GRB10: variants seen among roughly 807,000 people sequenced by gnomAD.
GRB10 encodes growth factor receptor-bound protein 10.
A neutral mutation model predicts 80.9 loss-of-function variants in GRB10; 20 were observed. That is an observed-to-expected ratio of 0.25 (90% CI 0.17 to 0.36). The LOEUF is 0.36. Ranked by LOEUF, GRB10 falls within the 10% of genes least tolerant of loss-of-function variation. GRB10 has a pLI of 1.00. For synonymous variants in GRB10, 291 were observed against 291.5 expected, an observed-to-expected ratio of 1.00 and a Z score of 0.02; for missense variants, 548 against 747.7, an observed-to-expected ratio of 0.73 and a Z score of 3.12.
chr7:50,715,036 G>A (rs2066626973), intron 4 of GRB10, among the ~76,000 whole-genome samples: 2 of 140,604 alleles, frequency 1.4e-5, no homozygotes, highest in African/African-American at 6.6e-5. Flanking sequence ...AGGCCCCAGG[G>A]TTTGATATGA....
intron 17 of GRB10, among the ~76,000 whole-genome samples, chr7:50,599,562 C>T (rs181161674): frequency 2.1e-3 from 327 of 152,306 alleles, no homozygotes; most frequent in Middle Eastern, 3.4e-3. Flanking sequence ...GCTCCAGCAG[C>T]CTAAGGCGGG....
chr7:50,633,557 C>A (rs1186311355), intron 7 of GRB10, among the ~76,000 whole-genome samples: 2 of 152,008 alleles, frequency 1.3e-5, no homozygotes, highest in African/African-American at 4.8e-5. Context: ...CTCCTAACCA[C>A]AATGAAAACT....
chr7:50,713,979 TCC>T (rs2066414388), intron 4 of GRB10, among the ~76,000 whole-genome samples: 1 of 150,588 alleles, frequency 6.6e-6, no homozygotes, highest in South Asian at 2.1e-4. Flanking sequence ...CTCCAACACC[TCC>T]ATTGCTACCA....
At chr7:50,677,337 T>C (rs1586762821) in intron 5 of GRB10, among the ~76,000 whole-genome samples, 1 of 151,728 alleles carries the variant, frequency 6.6e-6, no homozygotes, top group Admixed American at 6.6e-5. Context: ...TGAGGTGGGG[T>C]GGGGAAGAGT....
At chr7:50,622,549 G>A (rs181801722) in intron 8 of GRB10, among the ~76,000 whole-genome samples, 104 of 152,238 alleles carry the variant, frequency 6.8e-4, no homozygotes, top group Non-Finnish European at 1.3e-3. Context: ...AAGATCTGGC[G>A]GAAACCCTCT....
intron 5 of GRB10, among the ~76,000 whole-genome samples, chr7:50,685,521 G>A (rs2062014869): frequency 6.6e-6 from 1 of 152,170 alleles, no homozygotes; most frequent in Admixed American, 6.5e-5. Flanking sequence ...CTGCAAGAGA[G>A]GTGAAGGATG....
intron 5 of GRB10, among the ~76,000 whole-genome samples, chr7:50,689,787 C>T (rs931648159): frequency 6.6e-6 from 1 of 151,440 alleles, no homozygotes; most frequent in Non-Finnish European, 1.5e-5. Flanking sequence ...GAAGGCAATA[C>T]TAGTACATTC....
intron 17 of GRB10, among the ~76,000 whole-genome samples, chr7:50,599,850 C>T (rs1461120339): frequency 6.6e-6 from 1 of 152,208 alleles, no homozygotes; most frequent in Admixed American, 6.5e-5. Flanking sequence ...TCCACCCCAC[C>T]CCAAGGCAGC....
chr7:50,707,762 G>A (rs1206950336), intron 4 of GRB10, among the ~76,000 whole-genome samples: 1 of 152,154 alleles, frequency 6.6e-6, no homozygotes, highest in Non-Finnish European at 1.5e-5. Context: ...CCCAGGGCCT[G>A]CACAGCCCTG....
chr7:50,630,453 C>T (rs938154862), intron 7 of GRB10, among the ~76,000 whole-genome samples: 4 of 152,314 alleles, frequency 2.6e-5, no homozygotes, highest in Middle Eastern at 3.4e-3. Flanking sequence ...GCCCCTGACA[C>T]GTGCCCTCCC....
intron 3 of GRB10, among the ~76,000 whole-genome samples, chr7:50,755,066 C>A (rs888172992): frequency 6.6e-6 from 1 of 152,224 alleles, no homozygotes; most frequent in African/African-American, 2.4e-5. Flanking sequence ...AGACTTCCAG[C>A]CTCCAGAACT....
At chr7:50,709,955 G>T (rs2715118) in intron 4 of GRB10, among the ~76,000 whole-genome samples, 138,037 of 152,022 alleles carry the variant, frequency 0.91, 62,799 homozygotes, top group African/African-American at 0.96. Context: ...CCCAGCTGGT[G>T]TTCCTTGACT....
intron 4 of GRB10, chr7:50,711,006 G>A (rs2065812282): frequency 2.0e-6 from 2 of 976,074 alleles, no homozygotes; most frequent in Non-Finnish European, 3.3e-6. Flanking sequence ...GAACGGCACA[G>A]AAGGCACACT....
rs2045896707 is a variant in GRB10 at position 50,592,003 on chromosome 7, A to G, written c.*949T>C. The G allele has an allele frequency of 6.6e-6, 1 of 152,290 alleles. No homozygotes were observed. The highest frequency in any genetic ancestry group is 2.1e-4 in the South Asian group (1 of 4,836). The allele number at this position is 152,290 out of a possible 1,614,324, so 9.4% of individuals were successfully genotyped here. On this transcript the variant is annotated 3_prime_UTR_variant, in exon 19 of 19. Transcript: ENST00000401949. ...GCAGGGGTAAGGCAGTGATCGTTCT[A>G]GAACAGGCTGAAGGCTGTGGAAACG... is the stretch of plus-strand genomic sequence containing the variant.
chr7:50,705,360 G>A (rs937139408), intron 4 of GRB10: 7 of 898,948 alleles, frequency 7.8e-6, no homozygotes, highest in Non-Finnish European at 9.3e-6. Flanking sequence ...AAGCCCTAAG[G>A]AAGGGAGACA....
chr7:50,688,474 T>TA (rs1424264478), intron 5 of GRB10, among the ~76,000 whole-genome samples: 1 of 152,026 alleles, frequency 6.6e-6, no homozygotes, highest in Non-Finnish European at 1.5e-5. Flanking sequence ...GAGAGAAACT[T>TA]AAACACTCAA....
At chr7:50,750,229 G>A (rs1293903461) in intron 3 of GRB10, among the ~76,000 whole-genome samples, 1 of 152,194 alleles carries the variant, frequency 6.6e-6, no homozygotes, top group East Asian at 1.9e-4. Flanking sequence ...GAGCTGCCAA[G>A]GCAGCAAGTT....
chr7:50,661,381 C>T (rs1361320362), intron 7 of GRB10, among the ~76,000 whole-genome samples: 1 of 152,150 alleles, frequency 6.6e-6, no homozygotes, highest in Non-Finnish European at 1.5e-5. Flanking sequence ...CTATTACTAA[C>T]AGGGTTAAAC....
intron 2 of GRB10, among the ~76,000 whole-genome samples, chr7:50,759,017 C>T (rs1025023257): frequency 1.4e-4 from 22 of 151,836 alleles, no homozygotes; most frequent in African/African-American, 5.3e-4. Context: ...GACCCTGTTT[C>T]TACAAATAAA....
Sources: allele counts gnomAD v4.1 joint callset (sites outside exome capture counted in the v4.1 genomes callset), GRCh38; gene constraint gnomAD v4.1.1; transcripts MANE v1.5; gene names NCBI Gene and HGNC (gene_info 2026-07-23, HGNC 2026-07-21).